The following GRB10 variants were observed in gnomAD, a reference collection of about 807,000 sequenced individuals.
GRB10 encodes the protein growth factor receptor bound protein 10, also known as growth factor receptor-bound protein 10.
Under a neutral mutation model 80.9 loss-of-function variants are expected in GRB10, and 20 were observed. That is an observed-to-expected ratio of 0.25 (90% CI 0.17 to 0.36). The LOEUF is 0.36. Ranked by LOEUF, GRB10 falls within the 10% of genes least tolerant of loss-of-function variation. The pLI, the probability that GRB10 is intolerant of heterozygous loss-of-function variation, is 1.00. For missense variants in GRB10, 548 were observed against 747.7 expected (o/e 0.73, Z 3.12); for synonymous variants, 291 against 291.5 (o/e 1.00, Z 0.02).
chr7:50,727,879 T>A (rs2068908225), intron 4 of GRB10: 1 of 152,232 alleles, frequency 6.6e-6, no homozygotes, highest in Non-Finnish European at 1.5e-5. Flanking sequence ...TCTTCCAATT[T>A]TCACAATGAC....
At chr7:50,665,307 C>T (rs1311163897) in intron 7 of GRB10, among the ~76,000 whole-genome samples, 1 of 152,238 alleles carries the variant, frequency 6.6e-6, no homozygotes, top group Non-Finnish European at 1.5e-5. Flanking sequence ...GACCAATAGA[C>T]TCTGGCTTAA....
intron 7 of GRB10, chr7:50,645,535 C>T: frequency 2.3e-6 from 2 of 862,900 alleles, no homozygotes; most frequent in African/African-American, 3.6e-5. Context: ...ATCTGCTGAG[C>T]ACCAGCTCAG....
At chr7:50,783,370 TC>T (rs2153714607), upstream of GRB10, among the ~76,000 whole-genome samples, 1 of 151,944 alleles carries the variant, frequency 6.6e-6, no homozygotes, top group African/African-American at 2.4e-5. Context: ...AAAGAACAGA[TC>T]CTATACATAC....
chr7:50,607,788 A>G (rs994838216), intron 13 of GRB10, among the ~76,000 whole-genome samples: 1 of 152,154 alleles, frequency 6.6e-6, no homozygotes, highest in African/African-American at 2.4e-5. Context: ...GATCCTGGCA[A>G]TGAGGACTCA....
chr7:50,623,612 A>C (rs2052310332), intron 8 of GRB10, among the ~76,000 whole-genome samples: 2 of 152,184 alleles, frequency 1.3e-5, no homozygotes, highest in Non-Finnish European at 2.9e-5. Context: ...GGCTGCAGAC[A>C]CCCACGCATG....
At chr7:50,753,041 G>A (rs1371523528) in intron 3 of GRB10, among the ~76,000 whole-genome samples, 1 of 152,160 alleles carries the variant, frequency 6.6e-6, no homozygotes, top group African/African-American at 2.4e-5. Flanking sequence ...GGCTCTTAGA[G>A]GCAGTGAGCA....
chr7:50,715,377 C>T (rs1587367345), intron 4 of GRB10, among the ~76,000 whole-genome samples: 2 of 152,050 alleles, frequency 1.3e-5, no homozygotes, highest in African/African-American at 4.8e-5. Context: ...CAGCACAGAT[C>T]CCAGGGCTCA....
chr7:50,790,504 G>C (rs1588147055), intron 1 of GRB10, among the ~76,000 whole-genome samples: 1 of 152,352 alleles, frequency 6.6e-6, no homozygotes, highest in Non-Finnish European at 1.5e-5. Context: ...ACAATGCCAC[G>C]TTGGTTTAAT....
intron 8 of GRB10, among the ~76,000 whole-genome samples, chr7:50,626,513 A>G (rs1457722876): frequency 2.0e-5 from 3 of 152,212 alleles, no homozygotes; most frequent in Non-Finnish European, 2.9e-5. Context: ...ACAGGTGTGC[A>G]GCAAGCTCCA....
At chr7:50,783,429 ACACACCT>A (rs2078509474), upstream of GRB10, among the ~76,000 whole-genome samples, 2 of 48,860 alleles carry the variant, frequency 4.1e-5, no homozygotes, top group South Asian at 6.0e-4. Context: ...CACACCCCAC[ACACACCT>A]CACACACACA....
At chr7:50,749,681 C>A (rs2073776568) in intron 3 of GRB10, among the ~76,000 whole-genome samples, 1 of 152,170 alleles carries the variant, frequency 6.6e-6, no homozygotes, top group Non-Finnish European at 1.5e-5. Context: ...CTAATGCAAT[C>A]ATCTACATCA....
intron 3 of GRB10, among the ~76,000 whole-genome samples, chr7:50,753,124 T>C (rs1238359686): frequency 6.6e-6 from 1 of 152,150 alleles, no homozygotes; most frequent in Non-Finnish European, 1.5e-5. Flanking sequence ...CCCGTCACTA[T>C]AGGGTCTGGG....
At chr7:50,648,472 T>A (rs968233067) in intron 7 of GRB10, among the ~76,000 whole-genome samples, 6 of 152,160 alleles carry the variant, frequency 3.9e-5, no homozygotes, top group African/African-American at 1.4e-4. Flanking sequence ...AAAGCAGTAA[T>A]TTTAACCACT....
intron 5 of GRB10, among the ~76,000 whole-genome samples, chr7:50,691,372 G>T (rs1440449334): frequency 6.6e-6 from 1 of 152,126 alleles, no homozygotes; most frequent in East Asian, 1.9e-4. Context: ...CACTCTCAAG[G>T]GCTGTGATCT....
intron 4 of GRB10, among the ~76,000 whole-genome samples, chr7:50,729,899 T>C (rs1039058135): frequency 6.6e-6 from 1 of 152,158 alleles, no homozygotes; most frequent in African/African-American, 2.4e-5. Flanking sequence ...GCTGGCTCCC[T>C]AGCCCAAAAC....
chr7:50,672,653 G>A (rs2060486219), intron 6 of GRB10, among the ~76,000 whole-genome samples: 1 of 152,138 alleles, frequency 6.6e-6, no homozygotes, highest in Admixed American at 6.5e-5. Flanking sequence ...GGCACATATG[G>A]GCGAGTTCAG....
At chr7:50,601,229 T>C (rs2047544563) in intron 17 of GRB10, among the ~76,000 whole-genome samples, 1 of 152,216 alleles carries the variant, frequency 6.6e-6, no homozygotes, top group African/African-American at 2.4e-5. Context: ...CAAACACTAA[T>C]AAAAGCTGTT....
chr7:50,615,579 C>T (rs1422458335), intron 11 of GRB10, among the ~76,000 whole-genome samples: 1 of 152,216 alleles, frequency 6.6e-6, no homozygotes, highest in Non-Finnish European at 1.5e-5. Context: ...TCCCTTTCAC[C>T]TCTGCTGGCC....
chr7:50,613,201 C>A (rs954894902), intron 12 of GRB10, among the ~76,000 whole-genome samples: 4 of 152,132 alleles, frequency 2.6e-5, no homozygotes, highest in Admixed American at 2.6e-4. Flanking sequence ...GGACTGGATT[C>A]TATGGGAGGA....
Sources: allele counts gnomAD v4.1 joint callset (sites outside exome capture counted in the v4.1 genomes callset), GRCh38; gene constraint gnomAD v4.1.1; transcripts MANE v1.5; gene names NCBI Gene and HGNC (gene_info 2026-07-23, HGNC 2026-07-21).